VAT1L: variants seen among roughly 807,000 people sequenced by gnomAD.
VAT1L encodes the protein putative NADPH-dependent quinone oxidoreductase VAT1L.
Under a neutral mutation model 44.1 loss-of-function variants are expected in VAT1L, and 34 were observed. The observed-to-expected ratio is 0.77, with a 90% CI of 0.59 to 1.03. VAT1L has a LOEUF of 1.03. Among genes scored for constraint, VAT1L ranks in the 50% least tolerant of loss-of-function variants. The pLI is 0.00. For synonymous variants in VAT1L, 253 were observed against 202.2 expected, an observed-to-expected ratio of 1.25 and a Z score of -2.13; for missense variants, 615 against 538.8, an observed-to-expected ratio of 1.14 and a Z score of -1.40.
intron 3 of VAT1L, among the ~76,000 whole-genome samples, chr16:77,849,417 C>A (rs2016787211): frequency 1.3e-5 from 2 of 152,234 alleles, no homozygotes; most frequent in Admixed American, 6.5e-5. Context: ...ACAAATTCTA[C>A]ATGCCTGGCT....
chr16:77,802,308 T>C (rs2016071716), intron 1 of VAT1L, among the ~76,000 whole-genome samples: 2 of 152,140 alleles, frequency 1.3e-5, no homozygotes, highest in Admixed American at 1.3e-4. Context: ...TGTGAAAGTC[T>C]TGAGTCCCTT....
At chr16:77,792,241 C>G (rs779318026) in intron 1 of VAT1L, among the ~76,000 whole-genome samples, 3 of 152,128 alleles carry the variant, frequency 2.0e-5, no homozygotes, top group Admixed American at 6.5e-5. Flanking sequence ...TGACCTACAA[C>G]TTGGAGGCCA....
intron 8 of VAT1L, 71 bp from the exon 9 acceptor site, chr16:77,977,526 C>T (rs1351579534): frequency 3.3e-6 from 5 of 1,505,562 alleles, no homozygotes; most frequent in African/African-American, 1.4e-5. Context: ...TCCCATAGGA[C>T]TCTGTCAGAT....
At chr16:77,890,280 A>C (rs1459748289) in intron 7 of VAT1L, among the ~76,000 whole-genome samples, 1 of 152,030 alleles carries the variant, frequency 6.6e-6, no homozygotes, top group Non-Finnish European at 1.5e-5. Context: ...GGGTAGAGAG[A>C]AAAGTCTGGG....
intron 7 of VAT1L, among the ~76,000 whole-genome samples, chr16:77,960,681 G>C (rs542128780): frequency 7.2e-5 from 11 of 152,260 alleles, no homozygotes; most frequent in Admixed American, 3.9e-4. Context: ...ATAGTCCATG[G>C]GGGAATGAAT....
chr16:77,908,463 TC>T (rs1473761254), intron 7 of VAT1L, among the ~76,000 whole-genome samples: 2 of 10,132 alleles, frequency 2.0e-4, no homozygotes, highest in African/African-American at 6.1e-4. Flanking sequence ...AGGTTCTGTC[TC>T]AAAAAAAAAA....
chr16:77,971,414 A>G (rs2018276606), intron 7 of VAT1L, among the ~76,000 whole-genome samples: 1 of 152,184 alleles, frequency 6.6e-6, no homozygotes, highest in African/African-American at 2.4e-5. Context: ...TTCAGCCTTG[A>G]GTAATGGGTC....
At chr16:77,858,387 A>G (rs1005762564) in intron 3 of VAT1L, among the ~76,000 whole-genome samples, 1 of 152,242 alleles carries the variant, frequency 6.6e-6, no homozygotes, top group African/African-American at 2.4e-5. Flanking sequence ...GCAGGATCTG[A>G]TAGCAGGATA....
intron 3 of VAT1L, among the ~76,000 whole-genome samples, chr16:77,838,872 CTT>C (rs2016670115): frequency 1.3e-5 from 2 of 151,040 alleles, no homozygotes; most frequent in African/African-American, 2.4e-5. Context: ...CCCCTTTATT[CTT>C]TCTCTCCACC....
chr16:77,926,798 G>A (rs554483458), intron 7 of VAT1L, among the ~76,000 whole-genome samples: 9 of 152,114 alleles, frequency 5.9e-5, no homozygotes, highest in Non-Finnish European at 1.2e-4. Context: ...CTGAGACACA[G>A]ACATGTCCCA....
chr16:77,846,407 C>G (rs981208912), intron 3 of VAT1L, among the ~76,000 whole-genome samples: 7 of 152,154 alleles, frequency 4.6e-5, no homozygotes, highest in Non-Finnish European at 1.5e-5. Context: ...CCTTTGACCT[C>G]ACGATTTCAT....
chr16:77,972,637 C>T (rs149036209), intron 8 of VAT1L, among the ~76,000 whole-genome samples: 2,252 of 151,986 alleles, frequency 0.015, 61 homozygotes, highest in African/African-American at 0.051. Flanking sequence ...AAAAATTAGC[C>T]GGGTGTGGTG....
At chr16:77,796,548 T>G (rs750638088) in intron 1 of VAT1L, among the ~76,000 whole-genome samples, 12 of 152,222 alleles carry the variant, frequency 7.9e-5, no homozygotes, top group Non-Finnish European at 1.5e-4. Flanking sequence ...AAATAGCACT[T>G]TCAACTTATC....
At chr16:77,959,074 T>C (rs1307257805) in intron 7 of VAT1L, among the ~76,000 whole-genome samples, 1 of 152,208 alleles carries the variant, frequency 6.6e-6, no homozygotes, top group African/African-American at 2.4e-5. Flanking sequence ...ATCCTGCACT[T>C]GTGTGACTCA....
intron 7 of VAT1L, among the ~76,000 whole-genome samples, chr16:77,934,428 C>T (rs2017768274): frequency 2.0e-5 from 3 of 151,810 alleles, no homozygotes; most frequent in Admixed American, 1.3e-4. Context: ...GAGATTTGAG[C>T]CAAGGAATGC....
chr16:77,839,385 A>T (rs937736979), intron 3 of VAT1L, among the ~76,000 whole-genome samples: 3 of 151,708 alleles, frequency 2.0e-5, no homozygotes, highest in Non-Finnish European at 2.9e-5. Context: ...AATACAAAAA[A>T]ATCAGCTGGG....
intron 4 of VAT1L, among the ~76,000 whole-genome samples, chr16:77,876,012 A>T (rs11863454): frequency 1.3e-5 from 2 of 152,084 alleles, no homozygotes; most frequent in African/African-American, 4.8e-5. Context: ...CATTCTTACC[A>T]CAAAGAAACA....
intron 3 of VAT1L, among the ~76,000 whole-genome samples, chr16:77,834,687 A>T (rs67852058): frequency 0.13 from 20,286 of 152,062 alleles, 1,822 homozygotes; most frequent in Non-Finnish European, 0.2. Context: ...GAGAAAAAAA[A>T]AAGAAGCTTC....
intron 7 of VAT1L, among the ~76,000 whole-genome samples, chr16:77,936,067 G>T (rs2017792301): frequency 6.6e-6 from 1 of 152,138 alleles, no homozygotes; most frequent in Non-Finnish European, 1.5e-5. Context: ...GAGGTGGGAA[G>T]AAATGGGAAG....
Sources: allele counts gnomAD v4.1 joint callset (sites outside exome capture counted in the v4.1 genomes callset), GRCh38; gene constraint gnomAD v4.1.1; transcripts MANE v1.5; gene names NCBI Gene and HGNC (gene_info 2026-07-23, HGNC 2026-07-21).